The following KLRG1 variants were observed in gnomAD, a reference collection of about 807,000 sequenced individuals.
The protein encoded by KLRG1 is killer cell lectin-like receptor subfamily G member 1.
In KLRG1, 16 loss-of-function variants were observed where a neutral mutation model predicts 21.8. The ratio of observed to expected loss-of-function variants is 0.73; its 90% CI spans 0.50 to 1.11. The LOEUF (loss-of-function observed/expected upper bound fraction) is 1.11. Ranked by LOEUF, KLRG1 falls within the 50% of genes most tolerant of loss-of-function variation. KLRG1 has a pLI of 0.00. For synonymous variants in KLRG1, 69 were observed against 75.9 expected, an observed-to-expected ratio of 0.91 and a Z score of 0.47; for missense variants, 173 against 218.3, an observed-to-expected ratio of 0.79 and a Z score of 1.31.
the KLRG1 span, among the ~76,000 whole-genome samples, chr12:9,178,632 T>C: frequency 3.0e-4 from 45 of 152,376 alleles, 1 homozygote; most frequent in East Asian, 4.8e-3. Context: ...CTTGTTTTGC[T>C]GTCACATCTC....
the KLRG1 span, chr12:9,104,306 T>A: frequency 1.2e-6 from 2 of 1,613,080 alleles, no homozygotes; most frequent in Non-Finnish European, 1.7e-6. Context: ...GCCATGCTCA[T>A]CCGTGGTAGC....
At chr12:9,104,565 T>C in the KLRG1 span, among the ~76,000 whole-genome samples, 1 of 152,150 alleles carries the variant, frequency 6.6e-6, no homozygotes, top group Non-Finnish European at 1.5e-5. Flanking sequence ...CAGAGCTTAC[T>C]GTCTAGTGAA....
At chr12:9,194,069 A>G in the KLRG1 span, 12 of 1,610,658 alleles carry the variant, frequency 7.5e-6, no homozygotes, top group East Asian at 2.2e-5. Flanking sequence ...TTGTCTTTCT[A>G]TACTTACCCG....
chr12:9,023,329 C>T, the KLRG1 span, among the ~76,000 whole-genome samples: 2 of 152,182 alleles, frequency 1.3e-5, no homozygotes, highest in Admixed American at 6.5e-5. Flanking sequence ...AAAATCCCTA[C>T]ACATTTGGTC....
chr12:9,001,967 T>C (rs1301080800), intron 3 of KLRG1, among the ~76,000 whole-genome samples: 1 of 152,234 alleles, frequency 6.6e-6, no homozygotes, highest in East Asian at 1.9e-4. Flanking sequence ...TAATAAAAAG[T>C]TGCAACCAGA....
At chr12:9,166,344 A>G in the KLRG1 span, 1 of 741,142 alleles carries the variant, frequency 1.3e-6, no homozygotes, top group African/African-American at 1.8e-5. Flanking sequence ...AACTTGGGAA[A>G]TACTTTGTGA....
the KLRG1 span, chr12:9,104,367 G>GT: frequency 6.3e-7 from 1 of 1,599,448 alleles, no homozygotes; most frequent in Non-Finnish European, 8.5e-7. Flanking sequence ...ACTTTATTTG[G>GT]TATAGGGACG....
the KLRG1 span, among the ~76,000 whole-genome samples, chr12:9,204,637 C>T: frequency 6.6e-6 from 1 of 152,188 alleles, no homozygotes; most frequent in Non-Finnish European, 1.5e-5. Context: ...CTCCCTGCTA[C>T]ACACACACTA....
chr12:9,162,756 C>T, the KLRG1 span: 1 of 902,102 alleles, frequency 1.1e-6, no homozygotes. Flanking sequence ...TGATGTTTAC[C>T]ATCCTACTCT....
the KLRG1 span, among the ~76,000 whole-genome samples, chr12:9,086,885 G>A: frequency 1.3e-5 from 2 of 152,122 alleles, no homozygotes; most frequent in African/African-American, 4.8e-5. Context: ...TATATTGGAA[G>A]CTCAAAAGAC....
chr12:9,194,164 A>G, the KLRG1 span: 2 of 1,613,928 alleles, frequency 1.2e-6, no homozygotes, highest in Non-Finnish European at 1.7e-6. Flanking sequence ...CATTGGAGTA[A>G]TAATTGGCGT....
the KLRG1 span, chr12:9,161,188 G>T: frequency 7.8e-7 from 1 of 1,282,396 alleles, no homozygotes; most frequent in Non-Finnish European, 1.1e-6. Flanking sequence ...TTATAATGTA[G>T]TGAGAGCTTC....
chr12:9,095,659 A>C, the KLRG1 span: 4 of 1,608,904 alleles, frequency 2.5e-6, 1 homozygote, highest in South Asian at 4.4e-5. Flanking sequence ...TCAAAGGCCC[A>C]GGGAAGCCAG....
the KLRG1 span, chr12:9,159,914 C>T: frequency 1.3e-6 from 2 of 1,578,408 alleles, no homozygotes; most frequent in Admixed American, 3.3e-5. Context: ...ATAGTTGAAA[C>T]TCAGAATAGA....
chr12:9,083,193 G>T, the KLRG1 span, among the ~76,000 whole-genome samples: 2 of 151,998 alleles, frequency 1.3e-5, no homozygotes, highest in South Asian at 2.1e-4. Context: ...TGAACAATGA[G>T]AACACTTGGA....
intron 2 of KLRG1, among the ~76,000 whole-genome samples, chr12:8,994,638 A>G (rs1431226594): frequency 6.6e-6 from 1 of 152,172 alleles, no homozygotes; most frequent in Non-Finnish European, 1.5e-5. Context: ...GCTTTTCCTA[A>G]TTTCTTTTTG....
chr12:9,126,227 G>C, the KLRG1 span, among the ~76,000 whole-genome samples: 1 of 152,328 alleles, frequency 6.6e-6, no homozygotes, highest in East Asian at 1.9e-4. Flanking sequence ...ATTTTCTGAA[G>C]TGGAGAATGT....
At chr12:9,109,682 C>T in the KLRG1 span, among the ~76,000 whole-genome samples, 334 of 152,198 alleles carry the variant, frequency 2.2e-3, 1 homozygote, top group African/African-American at 7.4e-3. Flanking sequence ...CAGAAAATAA[C>T]GAAGCTATGT....
At chr12:9,112,139 G>A in the KLRG1 span, 1 of 1,612,408 alleles carries the variant, frequency 6.2e-7, no homozygotes, top group East Asian at 2.2e-5. Context: ...ATCATTTTAT[G>A]TAGATAATAG....
Sources: gnomAD v4.1 joint callset for allele counts (sites outside exome capture counted in the v4.1 genomes callset) on GRCh38, gnomAD v4.1.1 for gene constraint, MANE v1.5 for transcripts, NCBI Gene and HGNC (gene_info 2026-07-23, HGNC 2026-07-21) for gene names.